SEMA3A: variants seen among roughly 807,000 people sequenced by gnomAD.
SEMA3A encodes the protein semaphorin 3A, also known as semaphorin-3A.
SEMA3A carries 29 observed loss-of-function variants against 97.9 expected under a neutral mutation model. That is an observed-to-expected ratio of 0.30 (90% CI 0.22 to 0.40). The LOEUF (loss-of-function observed/expected upper bound fraction) is 0.40, where lower values mean the gene tolerates loss of function less well. SEMA3A is among the 10% of genes least tolerant of loss of function. The probability of loss-of-function intolerance (pLI) is 1.00; values close to 1 mark genes in which losing one functional copy is unlikely to be tolerated. For missense variants in SEMA3A, 763 were observed against 951.3 expected (o/e 0.80, Z 2.60); for synonymous variants, 321 against 323.7 (o/e 0.99, Z 0.09).
At chr7:84,006,825 G>C (rs904899545) in intron 10 of SEMA3A, among the ~76,000 whole-genome samples, 6 of 152,014 alleles carry the variant, frequency 3.9e-5, no homozygotes, top group Non-Finnish European at 8.8e-5. Flanking sequence ...AATGTGTTTT[G>C]AAATGGGATG....
chr7:84,300,200 C>A (rs1800975727), intron 3 of SEMA3A, among the ~76,000 whole-genome samples: 1 of 150,468 alleles, frequency 6.6e-6, no homozygotes, highest in Admixed American at 6.6e-5. Context: ...TTAAAGAAGT[C>A]AAATATCATA....
intron 4 of SEMA3A, among the ~76,000 whole-genome samples, chr7:84,074,886 T>G (rs1221544775): frequency 6.6e-6 from 1 of 152,126 alleles, no homozygotes; most frequent in East Asian, 1.9e-4. Flanking sequence ...AATTGTTTAA[T>G]AATTGTTTTG....
intron 3 of SEMA3A, among the ~76,000 whole-genome samples, chr7:84,289,417 G>C (rs1052353013): frequency 2.0e-5 from 3 of 151,976 alleles, no homozygotes; most frequent in African/African-American, 7.3e-5. Flanking sequence ...TGATGAATAT[G>C]CCAATTATCT....
intron 3 of SEMA3A, among the ~76,000 whole-genome samples, chr7:84,268,871 A>T (rs1293561157): frequency 3.3e-5 from 5 of 152,088 alleles, no homozygotes; most frequent in Non-Finnish European, 7.4e-5. Flanking sequence ...GAGAATTGCA[A>T]CTCCAGCTCA....
chr7:84,053,613 C>T lies in SEMA3A; in HGVS notation c.547+6852G>A, dbSNP rs1262557800. Among the ~76,000 whole-genome samples the T allele has an allele frequency of 4.7e-5, 7 of 147,706 alleles. No individual in the cohort carries two copies. In the East Asian group the frequency reaches 6.0e-4, roughly 13 times the overall value. Reference sequence around the variant, plus strand: ...TTTTGAGCCTATGTGTGTCTCTGCACGTGAGATGGGTTTCCTGAATACAGC... The same window carrying T: ...TTTTGAGCCTATGTGTGTCTCTGCATGTGAGATGGGTTTCCTGAATACAGC... On this transcript the variant is annotated intron_variant, in intron 5 of 16. Coordinates refer to ENST00000265362, the MANE Select transcript of SEMA3A (RefSeq NM_006080.3).
intron 15 of SEMA3A, among the ~76,000 whole-genome samples, chr7:83,970,450 T>C (rs1423896106): frequency 6.6e-6 from 1 of 152,092 alleles, no homozygotes; most frequent in Non-Finnish European, 1.5e-5. Flanking sequence ...CATTTCAGCT[T>C]TCTATTTATT....
At position 84,236,321 on chromosome 7, in the gene SEMA3A, T is replaced by C. The variant is rs112545766; in HGVS notation, c.-82-41653A>G. ...CAGATGAGGTGTTATTTCCTTTATG[T>C]TCCCAGTTATACTAGACTAATTTGG... On this transcript the variant is annotated intron_variant, in intron 3 of 3. Coordinates refer to the SEMA3A transcript ENST00000424555. Among the ~76,000 whole-genome samples, 5 of 152,202 alleles carry C rather than the reference T, an allele frequency of 3.3e-5. 1 individual carries two copies. The highest frequency in any genetic ancestry group is 1.2e-4 in the African/African-American group (5 of 41,552).
rs1788365072 is a variant in SEMA3A, at chr7:83,958,923, T to C, written c.*2448A>G. The C allele has an allele frequency of 6.6e-6, 1 of 152,150 alleles. No homozygotes were observed. The allele number at this position is 152,150 out of a possible 1,614,324, so 9.4% of individuals were successfully genotyped here. ...TGATTCATGCATATGACAAAGTCTA[T>C]TTAAAGCTGAATTATTAAATGGGCC... is the stretch of plus-strand genomic sequence containing the variant. On this transcript the variant is annotated 3_prime_UTR_variant, in exon 17 of 17. Transcript: ENST00000265362.
At chr7:84,060,444 A>G (rs1793168856) in intron 5 of SEMA3A, 21 bp downstream of exon 5, 1 of 1,463,610 alleles carries the variant, frequency 6.8e-7, no homozygotes, top group Non-Finnish European at 9.3e-7. Context: ...CTCACTATTT[A>G]ATTGATTGTT....
chr7:84,294,657 T>G (rs1287972099), intron 3 of SEMA3A, among the ~76,000 whole-genome samples: 2 of 152,026 alleles, frequency 1.3e-5, no homozygotes, highest in African/African-American at 2.4e-5. Context: ...TTTACTCCTC[T>G]TTTACTCCAA....
At chr7:84,099,273 T>G (rs1794878494) in intron 4 of SEMA3A, among the ~76,000 whole-genome samples, 1 of 59,666 alleles carries the variant, frequency 1.7e-5, no homozygotes, top group Non-Finnish European at 5.5e-5. Flanking sequence ...TGTTTCACCG[T>G]GTTAGCCAGG....
At chr7:84,439,344 A>G (rs908785753) in intron 1 of SEMA3A, among the ~76,000 whole-genome samples, 1 of 152,066 alleles carries the variant, frequency 6.6e-6, no homozygotes, top group Non-Finnish European at 1.5e-5. Context: ...GTGAAATTTC[A>G]TGTGTCGACA....
chr7:84,051,597 A>G (rs1481267065), intron 5 of SEMA3A, among the ~76,000 whole-genome samples: 1 of 152,182 alleles, frequency 6.6e-6, no homozygotes, highest in Non-Finnish European at 1.5e-5. Flanking sequence ...TTATCAGCTT[A>G]AGGAGATTTT....
At chr7:83,980,904 A>ACTT (rs1263047452) in intron 14 of SEMA3A, among the ~76,000 whole-genome samples, 2 of 152,044 alleles carry the variant, frequency 1.3e-5, no homozygotes, top group Non-Finnish European at 2.9e-5. Flanking sequence ...ATTCTTCTGG[A>ACTT]CTTTTTATAA....
At chr7:84,040,805 G>GA (rs1486175521) in intron 6 of SEMA3A, among the ~76,000 whole-genome samples, 5 of 151,874 alleles carry the variant, frequency 3.3e-5, no homozygotes, top group East Asian at 1.9e-4. Flanking sequence ...AGACAAGAGA[G>GA]AAAAAAATGT....
At chr7:84,056,279 T>G (rs1792973357) in intron 5 of SEMA3A, among the ~76,000 whole-genome samples, 1 of 152,162 alleles carries the variant, frequency 6.6e-6, no homozygotes, top group African/African-American at 2.4e-5. Context: ...GAAGTACGTA[T>G]TAAAAACAAA....
At chr7:83,973,601 C>T (rs1233938553) in intron 15 of SEMA3A, among the ~76,000 whole-genome samples, 3 of 152,022 alleles carry the variant, frequency 2.0e-5, no homozygotes, top group Admixed American at 2.0e-4. Context: ...CTACAAAATA[C>T]TAAATTTACA....
intron 3 of SEMA3A, among the ~76,000 whole-genome samples, chr7:84,266,282 C>T (rs1436397639): frequency 2.3e-5 from 3 of 127,804 alleles, no homozygotes; most frequent in Non-Finnish European, 4.7e-5. Flanking sequence ...GATCATGCCA[C>T]TGCACTCTAG....
chr7:84,435,671 A>G (rs62471988), intron 1 of SEMA3A, among the ~76,000 whole-genome samples: 17,006 of 152,186 alleles, frequency 0.11, 1,192 homozygotes, highest in East Asian at 0.28. Flanking sequence ...AAGAAACAAT[A>G]GATGACACAA....
Sources: gnomAD v4.1 joint callset for allele counts (sites outside exome capture counted in the v4.1 genomes callset) on GRCh38, gnomAD v4.1.1 for gene constraint, MANE v1.5 for transcripts, NCBI Gene and HGNC (gene_info 2026-07-23, HGNC 2026-07-21) for gene names.